Variants in ADAMTSL1 observed in about 807,000 individuals in gnomAD.
The protein encoded by ADAMTSL1 is ADAMTS-like protein 1.
Under a neutral mutation model 201.8 loss-of-function variants are expected in ADAMTSL1, and 126 were observed. The observed-to-expected ratio is 0.62, with a 90% CI of 0.54 to 0.72. The LOEUF is 0.72. Ranked by LOEUF, ADAMTSL1 falls within the 30% of genes least tolerant of loss-of-function variation. The pLI is 0.00. For synonymous variants in ADAMTSL1, 1,121 were observed against 903.4 expected (o/e 1.24, Z -4.32); for missense variants, 2,679 against 2,277.8 (o/e 1.18, Z -3.59).
intron 2 of ADAMTSL1, among the ~76,000 whole-genome samples, chr9:18,528,870 G>A (rs1220694205): frequency 3.3e-5 from 5 of 152,012 alleles, no homozygotes; most frequent in East Asian, 1.9e-4. Flanking sequence ...TTTCTCAGAC[G>A]TCATTTTGGA....
chr9:18,124,085 T>C (rs1316420093), intron 1 of ADAMTSL1, among the ~76,000 whole-genome samples: 4 of 143,624 alleles, frequency 2.8e-5, no homozygotes, highest in Admixed American at 2.1e-4. Flanking sequence ...CAGTTTTTTT[T>C]TTTTTTTTTT....
chr9:18,145,039 A>T (rs1826574009), intron 1 of ADAMTSL1, among the ~76,000 whole-genome samples: 1 of 152,212 alleles, frequency 6.6e-6, no homozygotes, highest in African/African-American at 2.4e-5. Flanking sequence ...TGGAGTGAGG[A>T]GATGGCCTCA....
chr9:18,238,823 T>G (rs573448567), intron 2 of ADAMTSL1, among the ~76,000 whole-genome samples: 8 of 152,302 alleles, frequency 5.3e-5, no homozygotes, highest in Admixed American at 5.2e-4. Flanking sequence ...ATAGTTAACT[T>G]TTTTGTAATT....
At chr9:18,670,963 C>T (rs1332869145) in intron 9 of ADAMTSL1, among the ~76,000 whole-genome samples, 1 of 151,882 alleles carries the variant, frequency 6.6e-6, no homozygotes, top group East Asian at 1.9e-4. Flanking sequence ...TATCCACCCT[C>T]TGTGTACTTT....
intron 13 of ADAMTSL1, among the ~76,000 whole-genome samples, chr9:18,696,175 G>C (rs1006202772): frequency 6.6e-6 from 1 of 152,168 alleles, no homozygotes; most frequent in African/African-American, 2.4e-5. Flanking sequence ...ATTTGGACAG[G>C]GACACAAATC....
At chr9:18,152,696 G>A (rs772792642) in intron 1 of ADAMTSL1, among the ~76,000 whole-genome samples, 1 of 151,930 alleles carries the variant, frequency 6.6e-6, no homozygotes, top group Non-Finnish European at 1.5e-5. Context: ...GAGGGCCAGT[G>A]GGTGGAAGAC....
At chr9:17,906,722 C>G (rs1488631415) in exon 1 of ADAMTSL1, 2 of 152,998 alleles carry the variant, frequency 1.3e-5, no homozygotes, top group East Asian at 3.9e-4. Flanking sequence ...GGCGCACGCC[C>G]GAGCCCGCCT....
chr9:18,321,405 G>A (rs1834612924), intron 2 of ADAMTSL1, among the ~76,000 whole-genome samples: 1 of 152,166 alleles, frequency 6.6e-6, no homozygotes, highest in African/African-American at 2.4e-5. Context: ...CACAACTAGA[G>A]AAAATAAATC....
intron 2 of ADAMTSL1, among the ~76,000 whole-genome samples, chr9:18,278,055 A>T (rs528043689): frequency 2.9e-4 from 44 of 152,212 alleles, no homozygotes; most frequent in African/African-American, 1.1e-3. Context: ...CACTTTAATT[A>T]TTCTTCCCCT....
intron 21 of ADAMTSL1, among the ~76,000 whole-genome samples, chr9:18,825,136 C>G (rs10118205): frequency 0.91 from 137,928 of 152,158 alleles, 62,631 homozygotes; most frequent in East Asian, 0.95. Flanking sequence ...TGCCACATAT[C>G]TTCAGTCTCT....
chr9:18,298,836 C>A (rs1211593628), intron 2 of ADAMTSL1, among the ~76,000 whole-genome samples: 2 of 151,640 alleles, frequency 1.3e-5, no homozygotes, highest in East Asian at 3.9e-4. Context: ...ACGGTGAAAC[C>A]CCGTCTCTAT....
chr9:18,699,193 G>T (rs184588549), intron 13 of ADAMTSL1, among the ~76,000 whole-genome samples: 1 of 152,136 alleles, frequency 6.6e-6, no homozygotes, highest in African/African-American at 2.4e-5. Context: ...AGACATTCAG[G>T]CATTCTTGCA....
At chr9:18,770,562 T>A (rs750739029) in intron 16 of ADAMTSL1, 40 bp from the exon 17 acceptor site, 4 of 1,566,628 alleles carry the variant, frequency 2.6e-6, no homozygotes, top group Non-Finnish European at 3.5e-6. Context: ...CCTTCCCATA[T>A]TGGGTCTACT....
At chr9:18,354,456 T>G (rs1836119909) in intron 2 of ADAMTSL1, among the ~76,000 whole-genome samples, 1 of 152,216 alleles carries the variant, frequency 6.6e-6, no homozygotes, top group South Asian at 2.1e-4. Context: ...GCTGTTACGT[T>G]GGATGTCACT....
chr9:18,681,214 T>A (rs1830450157), intron 11 of ADAMTSL1: 1 of 152,464 alleles, frequency 6.6e-6, no homozygotes, highest in Admixed American at 6.5e-5. Context: ...ATCAGAGCTG[T>A]GACATTTTCT....
chr9:18,401,258 G>A (rs903394096), intron 2 of ADAMTSL1, among the ~76,000 whole-genome samples: 1 of 152,150 alleles, frequency 6.6e-6, no homozygotes, highest in African/African-American at 2.4e-5. Context: ...TCTGAGTTTT[G>A]TTTTTCTCAT....
chr9:18,310,386 A>T (rs866429354), intron 2 of ADAMTSL1, among the ~76,000 whole-genome samples: 1 of 145,094 alleles, frequency 6.9e-6, no homozygotes, highest in African/African-American at 2.5e-5. Flanking sequence ...AAAAAAAAAA[A>T]AAAAAAAAAA....
intron 2 of ADAMTSL1, among the ~76,000 whole-genome samples, chr9:18,302,573 T>G (rs906760458): frequency 1.3e-5 from 2 of 152,144 alleles, no homozygotes; most frequent in Non-Finnish European, 2.9e-5. Context: ...TGCCAAACAG[T>G]GCTAGGTATA....
At chr9:18,609,151 A>AT (rs1825216539) in intron 4 of ADAMTSL1, among the ~76,000 whole-genome samples, 7 of 152,192 alleles carry the variant, frequency 4.6e-5, no homozygotes. Context: ...TGACAGATAA[A>AT]TTTAATGATA....
Sources: allele counts gnomAD v4.1 joint callset (sites outside exome capture counted in the v4.1 genomes callset), GRCh38; gene constraint gnomAD v4.1.1; transcripts MANE v1.5; gene names NCBI Gene and HGNC (gene_info 2026-07-23, HGNC 2026-07-21).